STXBP5L: variants seen among roughly 807,000 people sequenced by gnomAD.
STXBP5L encodes syntaxin binding protein 5L, also known as syntaxin-binding protein 5-like.
STXBP5L carries 65 observed loss-of-function variants against 144.5 expected under a neutral mutation model. The ratio of observed to expected loss-of-function variants is 0.45; its 90% CI spans 0.37 to 0.55. The LOEUF (loss-of-function observed/expected upper bound fraction) is 0.55. Ranked by LOEUF, STXBP5L falls within the 20% of genes least tolerant of loss-of-function variation. The probability of loss-of-function intolerance (pLI) is 0.00; values close to 1 mark genes in which losing one functional copy is unlikely to be tolerated. For synonymous variants in STXBP5L, 505 were observed against 469.6 expected, an observed-to-expected ratio of 1.08 and a Z score of -0.97; for missense variants, 1,298 against 1,405.5, an observed-to-expected ratio of 0.92 and a Z score of 1.22.
chr3:121,236,314 G>T (rs1420077576), intron 12 of STXBP5L, among the ~76,000 whole-genome samples: 1 of 151,992 alleles, frequency 6.6e-6, no homozygotes, highest in Non-Finnish European at 1.5e-5. Context: ...CTTTGTCTTA[G>T]TCCCTTTTAT....
At chr3:120,994,969 A>G (rs1298912297) in intron 3 of STXBP5L, among the ~76,000 whole-genome samples, 2 of 151,652 alleles carry the variant, frequency 1.3e-5, no homozygotes, top group South Asian at 2.1e-4. Context: ...TTGGCTGTCC[A>G]GGTTTTCTAT....
intron 7 of STXBP5L, among the ~76,000 whole-genome samples, chr3:121,130,772 T>A (rs1295895019): frequency 6.6e-6 from 1 of 152,124 alleles, no homozygotes; most frequent in Non-Finnish European, 1.5e-5. Context: ...TTCTTCCACT[T>A]GAAAATGTTA....
In STXBP5L at chr3:121,113,404, T is replaced by C. The variant is rs1200869966; in HGVS notation, c.471-1521T>C. ...CCATCAAGTTATTTCCTGTGCAACA[T>C]TATTAAATATCTCTTGGCAACAGCA... On this transcript the variant is annotated intron_variant, in intron 5 of 26. Transcript: ENST00000471454. Among the ~76,000 whole-genome samples the C allele has an allele frequency of 2.6e-5, 4 of 152,190 alleles. No individual in the cohort carries two copies. In the East Asian group the frequency reaches 7.7e-4, roughly 29 times the overall value.
chr3:120,926,805 A>G (rs1351196159), intron 2 of STXBP5L, among the ~76,000 whole-genome samples: 1 of 152,072 alleles, frequency 6.6e-6, no homozygotes, highest in African/African-American at 2.4e-5. Context: ...TGCTTCATAC[A>G]TTTAGCTGTT....
intron 5 of STXBP5L, among the ~76,000 whole-genome samples, chr3:121,102,230 C>T (rs1427599204): frequency 6.6e-6 from 1 of 152,004 alleles, no homozygotes; most frequent in Non-Finnish European, 1.5e-5. Context: ...TCATGTGGAA[C>T]CAAAATAGAG....
intron 8 of STXBP5L, among the ~76,000 whole-genome samples, chr3:121,155,787 A>G (rs1360106802): frequency 6.6e-6 from 1 of 151,908 alleles, no homozygotes; most frequent in East Asian, 1.9e-4. Context: ...TTTCTAAACA[A>G]TAAATATACT....
intron 7 of STXBP5L, among the ~76,000 whole-genome samples, chr3:121,128,800 A>G (rs924424142): frequency 6.6e-6 from 1 of 152,082 alleles, no homozygotes; most frequent in African/African-American, 2.4e-5. Flanking sequence ...TTTGACAGTC[A>G]CCATCAAAAT....
chr3:120,988,093 G>A (rs1166158522), intron 3 of STXBP5L, among the ~76,000 whole-genome samples: 1 of 149,738 alleles, frequency 6.7e-6, no homozygotes, highest in Non-Finnish European at 1.5e-5. Context: ...GAACTAGCCT[G>A]TTGCTGCAGT....
intron 22 of STXBP5L, among the ~76,000 whole-genome samples, chr3:121,396,740 C>T (rs1368572476): frequency 1.3e-5 from 2 of 152,204 alleles, no homozygotes; most frequent in Admixed American, 6.5e-5. Context: ...AAGTGTCTAG[C>T]ATTAGATATT....
intron 22 of STXBP5L, among the ~76,000 whole-genome samples, chr3:121,389,295 C>T (rs936879191): frequency 1.3e-5 from 2 of 152,080 alleles, no homozygotes; most frequent in African/African-American, 4.8e-5. Context: ...ATTACTCTTG[C>T]TAGTTGTCTA....
intron 3 of STXBP5L, among the ~76,000 whole-genome samples, chr3:120,968,516 A>G (rs1939861147): frequency 6.6e-6 from 1 of 152,128 alleles, no homozygotes; most frequent in Non-Finnish European, 1.5e-5. Context: ...AGTTTCTTGT[A>G]GACAGTATAT....
intron 23 of STXBP5L, among the ~76,000 whole-genome samples, chr3:121,408,863 G>A (rs1433147823): frequency 1.3e-5 from 2 of 151,856 alleles, no homozygotes; most frequent in Non-Finnish European, 2.9e-5. Flanking sequence ...AGTAATGGAA[G>A]TTGTTAAATC....
intron 2 of STXBP5L, among the ~76,000 whole-genome samples, chr3:120,924,336 G>C (rs972838995): frequency 1.3e-5 from 2 of 152,008 alleles, no homozygotes; most frequent in African/African-American, 4.8e-5. Flanking sequence ...TTTAGTAACA[G>C]TTACTAAATC....
intron 20 of STXBP5L, among the ~76,000 whole-genome samples, chr3:121,362,877 C>A (rs958735287): frequency 6.6e-6 from 1 of 152,150 alleles, no homozygotes; most frequent in African/African-American, 2.4e-5. Flanking sequence ...AGGGGTTCAT[C>A]CAAGGCCCTT....
At chr3:121,002,801 C>T (rs945135297) in intron 3 of STXBP5L, among the ~76,000 whole-genome samples, 14 of 149,452 alleles carry the variant, frequency 9.4e-5, no homozygotes, top group South Asian at 2.1e-4. Flanking sequence ...TGAGAACATG[C>T]GGTGTTTGGT....
At chr3:121,405,891 T>C (rs187615905) in intron 22 of STXBP5L, among the ~76,000 whole-genome samples, 8 of 152,224 alleles carry the variant, frequency 5.3e-5, no homozygotes, top group Non-Finnish European at 1.0e-4. Flanking sequence ...GAAGATTGTA[T>C]GCAATGAGTA....
At chr3:120,968,774 T>C (rs925603873) in intron 3 of STXBP5L, among the ~76,000 whole-genome samples, 1 of 152,140 alleles carries the variant, frequency 6.6e-6, no homozygotes, top group African/African-American at 2.4e-5. Context: ...TCCTCATAGC[T>C]TAGCTCTCAC....
intron 25 of STXBP5L, among the ~76,000 whole-genome samples, chr3:121,417,744 C>T (rs989368174): frequency 1.3e-5 from 2 of 152,172 alleles, no homozygotes; most frequent in East Asian, 3.8e-4. Context: ...GGATTACAGG[C>T]GTGAGCCACC....
chr3:121,141,941 T>C (rs947495599), intron 7 of STXBP5L, among the ~76,000 whole-genome samples: 2 of 151,592 alleles, frequency 1.3e-5, no homozygotes, highest in African/African-American at 4.8e-5. Flanking sequence ...ATCTCCCCAA[T>C]CGAAAGATAC....
Sources: gnomAD v4.1 joint callset for allele counts (sites outside exome capture counted in the v4.1 genomes callset) on GRCh38, gnomAD v4.1.1 for gene constraint, MANE v1.5 for transcripts, NCBI Gene and HGNC (gene_info 2026-07-23, HGNC 2026-07-21) for gene names.